The following PPARGC1B variants were observed in gnomAD, a reference collection of about 807,000 sequenced individuals.
PPARGC1B encodes the protein peroxisome proliferator-activated receptor gamma coactivator 1-beta.
PPARGC1B carries 34 observed loss-of-function variants against 101.6 expected under a neutral mutation model. That is an observed-to-expected ratio of 0.33 (90% CI 0.25 to 0.45). The LOEUF (loss-of-function observed/expected upper bound fraction) is 0.45. Among genes scored for constraint, PPARGC1B ranks in the 20% least tolerant of loss-of-function variants. The pLI, the probability that PPARGC1B is intolerant of heterozygous loss-of-function variation, is 1.00. For missense variants in PPARGC1B, 1,234 were observed against 1,317.6 expected, an observed-to-expected ratio of 0.94 and a Z score of 0.98; for synonymous variants, 548 against 539.3, an observed-to-expected ratio of 1.02 and a Z score of -0.22.
intron 1 of PPARGC1B, among the ~76,000 whole-genome samples, chr5:149,769,949 G>A (rs553464564): frequency 3.9e-5 from 6 of 152,128 alleles, no homozygotes; most frequent in African/African-American, 1.2e-4. Flanking sequence ...GAACCACATC[G>A]GCAGAGTCCC....
At chr5:149,772,600 C>T (rs1377739927) in intron 1 of PPARGC1B, among the ~76,000 whole-genome samples, 2 of 152,138 alleles carry the variant, frequency 1.3e-5, no homozygotes. Flanking sequence ...CCTGTGAGTT[C>T]ACGTGGTCTT....
At chr5:149,789,109 C>G (rs1756915861) in intron 1 of PPARGC1B, among the ~76,000 whole-genome samples, 1 of 152,074 alleles carries the variant, frequency 6.6e-6, no homozygotes, top group South Asian at 2.1e-4. Context: ...TTGGATAGTC[C>G]AAAGTTGTGC....
intron 1 of PPARGC1B, among the ~76,000 whole-genome samples, chr5:149,810,106 T>C (rs1159373030): frequency 6.6e-6 from 1 of 152,212 alleles, no homozygotes; most frequent in African/African-American, 2.4e-5. Flanking sequence ...GGGCCAGCCC[T>C]GCCTCAACAA....
intron 1 of PPARGC1B, among the ~76,000 whole-genome samples, chr5:149,739,152 T>C (rs764212324): frequency 1.3e-5 from 2 of 152,196 alleles, no homozygotes; most frequent in African/African-American, 2.4e-5. Flanking sequence ...CATACAGAAG[T>C]AGACAGTAGA....
At chr5:149,834,814 C>A in intron 6 of PPARGC1B, 104 bp downstream of exon 6, 1 of 1,003,188 alleles carries the variant, frequency 1.0e-6, no homozygotes, top group South Asian at 1.4e-5. Context: ...CCCCTGGCCC[C>A]GGCCCCACAC....
intron 1 of PPARGC1B, among the ~76,000 whole-genome samples, chr5:149,815,552 T>C (rs1342666714): frequency 1.3e-5 from 2 of 149,792 alleles, no homozygotes; most frequent in East Asian, 2.1e-4. Flanking sequence ...TATTTATTTA[T>C]TTACTTACTT....
intron 9 of PPARGC1B, 72 bp downstream of exon 9, chr5:149,840,188 C>A (rs1759277044): frequency 1.4e-6 from 2 of 1,448,908 alleles, no homozygotes; most frequent in African/African-American, 2.8e-5. Flanking sequence ...CTTCATGGAC[C>A]AAAGCCTTTT....
intron 1 of PPARGC1B, among the ~76,000 whole-genome samples, chr5:149,798,318 T>C (rs1301176204): frequency 6.6e-6 from 1 of 152,246 alleles, no homozygotes; most frequent in East Asian, 1.9e-4. Context: ...GCATTTCTAG[T>C]CTCTAACACG....
chr5:149,840,654 GTT>G (rs1759296514), intron 9 of PPARGC1B, among the ~76,000 whole-genome samples: 1 of 152,210 alleles, frequency 6.6e-6, no homozygotes. Flanking sequence ...CCTTCCCAGA[GTT>G]AGTCCACAGG....
intron 1 of PPARGC1B, among the ~76,000 whole-genome samples, chr5:149,781,218 AAAG>A (rs1319438203): frequency 4.0e-5 from 6 of 151,862 alleles, no homozygotes; most frequent in East Asian, 1.9e-4. Flanking sequence ...AAAAAAAAAA[AAAG>A]AAGCAGCTTT....
intron 9 of PPARGC1B, 46 bp downstream of exon 9, chr5:149,840,162 A>G: frequency 6.4e-7 from 1 of 1,566,756 alleles, no homozygotes; most frequent in South Asian, 1.2e-5. Context: ...GGGAACGGAC[A>G]GGAAGTGTGT....
intron 10 of PPARGC1B, 27 bp downstream of exon 10, chr5:149,842,404 G>A: frequency 6.2e-7 from 1 of 1,610,406 alleles, no homozygotes; most frequent in Non-Finnish European, 8.5e-7. Context: ...CATGGCAAAT[G>A]AAGGGAGCAG....
intron 1 of PPARGC1B, among the ~76,000 whole-genome samples, chr5:149,747,417 T>C (rs1054034271): frequency 6.6e-6 from 1 of 152,242 alleles, no homozygotes; most frequent in African/African-American, 2.4e-5. Context: ...AAAAATACTT[T>C]TAGCACCATT....
rs745899071 is a variant in PPARGC1B, at chr5:149,832,928, G to C, written c.855G>C (p.Gln285His). 2 of 1,613,208 alleles carry C rather than the reference G, an allele frequency of 1.2e-6. No individual in the cohort carries two copies. Among genetic ancestry groups the C allele is most frequent in the Non-Finnish European group, 1.7e-6 (2 of 1,180,016 alleles). The change falls in exon 5 of 12, where the codon CAG becomes CAC. Residue 285 changes from glutamine to histidine, a missense_variant. Transcript: ENST00000309241. This position sits in a 1 kb window ranked among gnomAD's most constrained non-coding sequence, Gnocchi z 4.9. ...CCCCGGTTTCCCAGGAAGACATGCA[G>C]GCGATGGTGCAACTCATACGCTACA... ...PGAPVSQEDM[Q>H]AMVQLIRYMH...
chr5:149,759,500 A>G (rs1755646771), intron 1 of PPARGC1B, among the ~76,000 whole-genome samples: 1 of 152,118 alleles, frequency 6.6e-6, no homozygotes. Flanking sequence ...GAGAGGTACT[A>G]CCATTTCCCA....
rs1357728005 is a variant in PPARGC1B at position 149,826,845 on chromosome 5, A to G, written c.425A>G (p.Lys142Arg). Residue 142 changes from lysine to arginine, a missense_variant, in exon 3 of 12, where the codon AAG becomes AGG. Physicochemically the swap from Lys to Arg is conservative, Grantham distance 26. This residue lies in a region of PPARGC1B where 734 missense variants were observed against 768.4 expected (regional missense o/e 0.96). Coordinates refer to ENST00000309241, the MANE Select transcript of PPARGC1B (RefSeq NM_133263.4). ...SSAPPSPAPE[K>R]PSAPAPEVDE... ...GCACCCCCCAGCCCTGCCCCGGAGA[A>G]GCCCTCGGCCCCAGCCCCTGAGGTG... is the stretch of plus-strand genomic sequence containing the variant. The G allele has an allele frequency of 1.2e-6, 2 of 1,613,730 alleles. No homozygotes were observed. The highest frequency in any genetic ancestry group is 1.7e-6 in the Non-Finnish European group (2 of 1,179,738).
At chr5:149,798,131 A>G (rs1391017433) in intron 1 of PPARGC1B, among the ~76,000 whole-genome samples, 2 of 152,226 alleles carry the variant, frequency 1.3e-5, no homozygotes, top group African/African-American at 4.8e-5. Context: ...AGGGCCACAC[A>G]GCTGGTTAAG....
intron 1 of PPARGC1B, among the ~76,000 whole-genome samples, chr5:149,802,496 T>A (rs923429447): frequency 6.6e-6 from 1 of 151,826 alleles, no homozygotes; most frequent in Non-Finnish European, 1.5e-5. Context: ...TTTCCTCCCC[T>A]CCCAGATGTG....
At chr5:149,759,349 C>T (rs75216781) in intron 1 of PPARGC1B, among the ~76,000 whole-genome samples, 10,019 of 152,206 alleles carry the variant, frequency 0.066, 406 homozygotes, top group Non-Finnish European at 0.091. Context: ...AAGTAATTGA[C>T]TTGTTTGCCT....
Sources: gnomAD v4.1 joint callset for allele counts (sites outside exome capture counted in the v4.1 genomes callset) on GRCh38, gnomAD v4.1.1 for gene constraint, gnomAD v4.1.1 regional missense constraint, Gnocchi (gnomAD v3.1) non-coding constraint, MANE v1.5 for transcripts, NCBI Gene and HGNC (gene_info 2026-07-23, HGNC 2026-07-21) for gene names.